EFCAB10: variants seen among roughly 807,000 people sequenced by gnomAD.
The protein encoded by EFCAB10 is EF-hand calcium binding domain 10.
Under a neutral mutation model 7.7 loss-of-function variants are expected in EFCAB10, and 7 were observed. The observed-to-expected ratio is 0.91, with a 90% CI of 0.52 to 1.72. The LOEUF (loss-of-function observed/expected upper bound fraction) is 1.72. Ranked by LOEUF, EFCAB10 falls within the 40% of genes most tolerant of loss-of-function variation. EFCAB10 has a pLI of 0.00. For missense variants in EFCAB10, 112 were observed against 61.5 expected (o/e 1.82, Z -2.74); for synonymous variants, 52 against 21.0 (o/e 2.47, Z -4.03).
intron 1 of EFCAB10, among the ~76,000 whole-genome samples, chr7:105,577,965 C>T (rs1243996682): frequency 3.3e-5 from 5 of 152,066 alleles, no homozygotes; most frequent in Admixed American, 6.6e-5. Context: ...TTTTTCACCA[C>T]GTTGGCCAGG....
intron 1 of EFCAB10, among the ~76,000 whole-genome samples, chr7:105,578,275 G>T (rs1262099114): frequency 2.6e-5 from 4 of 152,178 alleles, no homozygotes; most frequent in Non-Finnish European, 1.5e-5. Context: ...GACAGGAAAT[G>T]TAAGTATAAG....
In EFCAB10 at chr7:105,569,516, T is replaced by G. The variant is rs1264033894; in HGVS notation, c.162A>C (p.Val54=). ...SLLERLRIAK[V]TGVAFPFFMD... The stretch of plus-strand genomic sequence containing the variant: ...TAAAGAAAGGAAACGCCACGCCTGT[T>G]ACTTTTGCAATTCTCAGTCGTTCCA... The change falls in exon 2 of 5, where the codon GTA becomes GTC. Residue 54 remains valine (V), a synonymous_variant. Coordinates refer to ENST00000480514, the MANE Select transcript of EFCAB10 (RefSeq NM_001355526.2). 1.4e-6 allele frequency: 1 copy of G among 702,706 alleles called. No homozygotes were observed. Among genetic ancestry groups the G allele is most frequent in the African/African-American group, 1.7e-5 (1 of 57,262 alleles). 43.5% of individuals were successfully genotyped at this position (702,706 alleles called of 1,614,324 possible). A position where few individuals can be genotyped will look rare whatever the true frequency, so the allele number is the denominator to read the frequency against.
At chr7:105,576,012 G>T (rs1792068838) in intron 1 of EFCAB10, among the ~76,000 whole-genome samples, 1 of 152,114 alleles carries the variant, frequency 6.6e-6, no homozygotes. Context: ...ACTCCAGCCT[G>T]GGCAACAAGA....
intron 1 of EFCAB10, among the ~76,000 whole-genome samples, chr7:105,579,880 T>C (rs541862174): frequency 6.6e-6 from 1 of 152,318 alleles, no homozygotes; most frequent in Non-Finnish European, 1.5e-5. Context: ...TTAAACCCCA[T>C]ACATCCACTT....
intron 1 of EFCAB10, 125 bp from the exon 2 acceptor site, chr7:105,569,696 C>G: frequency 1.7e-6 from 1 of 586,178 alleles, no homozygotes. Flanking sequence ...GGGACACAGG[C>G]CTTAGTTTTC....
In EFCAB10 at chr7:105,581,480, G is replaced by T. The variant is rs1792237309; in HGVS notation, c.-17C>A. The T allele has an allele frequency of 8.5e-6, 6 of 702,796 alleles. No homozygotes were observed. The highest frequency in any genetic ancestry group is 1.6e-5 in the Non-Finnish European group (6 of 384,842). 43.5% of individuals were successfully genotyped at this position (702,796 alleles called of 1,614,324 possible). A position where few individuals can be genotyped will look rare whatever the true frequency, so the allele number is the denominator to read the frequency against. The stretch of plus-strand genomic sequence containing the variant: ...GGTCTCCATCGCTCCGCGTCCCGCT[G>T]TTGCTAGGCGACTGCCTGGCGTCTC... On this transcript the variant is annotated 5_prime_UTR_variant, in exon 1 of 5. Transcript: ENST00000480514.
chr7:105,574,449 A>C (rs1459995207), intron 1 of EFCAB10, among the ~76,000 whole-genome samples: 1 of 151,758 alleles, frequency 6.6e-6, no homozygotes, highest in Non-Finnish European at 1.5e-5. Flanking sequence ...CATGTCTTAC[A>C]TGGATGGCAG....
rs1052585740 is a variant in EFCAB10 at position 105,569,467 on chromosome 7, T to C, written c.211A>G (p.Met71Val). 1.0e-5 allele frequency: 7 copies of C among 703,012 alleles called. No individual in the cohort carries two copies. In the African/African-American group the frequency reaches 1.0e-4, roughly 11 times the overall value. 43.5% of individuals were successfully genotyped at this position (703,012 alleles called of 1,614,324 possible). ...CCTGAGGAGTCCATCATCTCAAACA[T>C]AGCCACAATGTTAGAGTTATCCATA... ...FFMDNSNIVAMFEMMDSSGRG... is the reference protein window; with the variant it reads ...FFMDNSNIVAVFEMMDSSGRG... The change falls in exon 2 of 5, where the codon ATG becomes GTG. Residue 71 changes from methionine (M) to valine (V), a missense_variant. Transcript: ENST00000480514.
At chr7:105,576,187 A>G (rs1228507123) in intron 1 of EFCAB10, among the ~76,000 whole-genome samples, 2 of 152,218 alleles carry the variant, frequency 1.3e-5, no homozygotes, top group African/African-American at 4.8e-5. Flanking sequence ...ATGTATTTTT[A>G]GGACAAAACG....
intron 1 of EFCAB10, chr7:105,571,036 A>AT (rs1306825393): frequency 5.3e-5 from 8 of 152,088 alleles, no homozygotes; most frequent in African/African-American, 1.9e-4. Context: ...AAAAAAAAAA[A>AT]ATTTTTTTTA....
At chr7:105,567,615 G>A in intron 3 of EFCAB10, 125 bp from the exon 4 acceptor site, 1 of 556,710 alleles carries the variant, frequency 1.8e-6, no homozygotes, top group African/African-American at 1.9e-5. Context: ...AATTTCCTGT[G>A]CTAATTAAGG....
At chr7:105,576,442 CATCATT>C (rs905321695) in intron 1 of EFCAB10, among the ~76,000 whole-genome samples, 7 of 151,746 alleles carry the variant, frequency 4.6e-5, no homozygotes, top group African/African-American at 1.7e-4. Flanking sequence ...GAATTCTCAT[CATCATT>C]ATTATTATTA....
Position 105,567,133 on chromosome 7 carries a change from G to C in EFCAB10, c.383+334C>G, listed in dbSNP as rs1181576246. ...TCCCTAAACAGTATAAAAGAAGCCT[G>C]TATTGTTTTGAATTTGAACGTCGGT... On this transcript the variant is annotated intron_variant, in intron 4 of 4. Coordinates refer to ENST00000480514, the MANE Select transcript of EFCAB10 (RefSeq NM_001355526.2). 6.4e-7 allele frequency: 1 copy of C among 1,574,322 alleles called. No homozygotes were observed. Among genetic ancestry groups the C allele is most frequent in the Non-Finnish European group, 8.6e-7 (1 of 1,164,950 alleles).
chr7:105,567,045 G>T (rs1791789082), intron 4 of EFCAB10: 9 of 914,456 alleles, frequency 9.8e-6, no homozygotes, highest in Non-Finnish European at 1.4e-5. Context: ...AAGCTGTTTA[G>T]GATTCTCAAA....
intron 3 of EFCAB10, among the ~76,000 whole-genome samples, chr7:105,567,828 C>T (rs557669720): frequency 2.0e-5 from 3 of 151,924 alleles, no homozygotes; most frequent in East Asian, 1.9e-4. Context: ...GGCAGGAGTG[C>T]GAAAACATCC....
intron 1 of EFCAB10, among the ~76,000 whole-genome samples, chr7:105,581,046 C>G (rs1586296426): frequency 6.6e-6 from 1 of 152,130 alleles, no homozygotes; most frequent in East Asian, 1.9e-4. Flanking sequence ...ATGACGAAAC[C>G]CTGTCGCTAC....
chr7:105,567,352 A>G lies in EFCAB10; in HGVS notation c.383+115T>C, dbSNP rs751303100. ...GGTTTCTTTGGTTTTTGTTTCTAAGAAAGAGGAAGCCAATTGGATTTCAAG... is the reference window on the plus strand; with the variant it reads ...GGTTTCTTTGGTTTTTGTTTCTAAGGAAGAGGAAGCCAATTGGATTTCAAG... On this transcript the variant is annotated intron_variant, in intron 4 of 4. Coordinates refer to ENST00000480514, the MANE Select transcript of EFCAB10 (RefSeq NM_001355526.2). 3.6e-6 allele frequency: 5 copies of G among 1,389,150 alleles called. No homozygotes were observed. The East Asian group carries it at 6.9e-5, about 19-fold the overall frequency. The allele number at this position is 1,389,150 out of a possible 1,614,324, so 86.1% of individuals were successfully genotyped here.
At chr7:105,578,568 A>G (rs1367784783) in intron 1 of EFCAB10, among the ~76,000 whole-genome samples, 1 of 152,126 alleles carries the variant, frequency 6.6e-6, no homozygotes, top group Non-Finnish European at 1.5e-5. Flanking sequence ...AAACCATTCC[A>G]AGGCATATAT....
At chr7:105,572,383 C>T (rs1193977984) in intron 1 of EFCAB10, 1 of 152,226 alleles carries the variant, frequency 6.6e-6, no homozygotes, top group African/African-American at 2.4e-5. Flanking sequence ...TCTTTTAAGA[C>T]TGAATAGTAT....
Sources: allele counts gnomAD v4.1 joint callset (sites outside exome capture counted in the v4.1 genomes callset), GRCh38; gene constraint gnomAD v4.1.1; transcripts MANE v1.5; gene names NCBI Gene and HGNC (gene_info 2026-07-23, HGNC 2026-07-21).